TTC7B: variants seen among roughly 807,000 people sequenced by gnomAD.
TTC7B encodes the protein tetratricopeptide repeat protein 7B.
A neutral mutation model predicts 106.8 loss-of-function variants in TTC7B; 28 were observed. That is an observed-to-expected ratio of 0.26 (90% confidence interval 0.19 to 0.36). The LOEUF is 0.36. Among genes scored for constraint, TTC7B ranks in the 10% least tolerant of loss-of-function variants. TTC7B has a pLI of 1.00. For synonymous variants in TTC7B, 405 were observed against 430.6 expected, an observed-to-expected ratio of 0.94 and a Z score of 0.74; for missense variants, 862 against 1,076.4, an observed-to-expected ratio of 0.80 and a Z score of 2.79.
chr14:90,630,840 T>TTG (rs201370812), intron 15 of TTC7B, among the ~76,000 whole-genome samples: 2 of 149,584 alleles, frequency 1.3e-5, no homozygotes, highest in African/African-American at 4.9e-5. Context: ...TGTTTTTTGT[T>TTG]TTTTTTTTTT....
At chr14:90,721,055 T>C (rs907848105) in intron 5 of TTC7B, among the ~76,000 whole-genome samples, 3 of 152,062 alleles carry the variant, frequency 2.0e-5, no homozygotes, top group Admixed American at 6.5e-5. Flanking sequence ...TTCTTGGTGG[T>C]GATTAAAGGA....
At chr14:90,702,895 C>A (rs1418669812) in intron 5 of TTC7B, among the ~76,000 whole-genome samples, 3 of 152,178 alleles carry the variant, frequency 2.0e-5, no homozygotes, top group Non-Finnish European at 4.4e-5. Flanking sequence ...GGGGCACGGA[C>A]AGATGACCGC....
In TTC7B at chr14:90,541,135, T is replaced by C. The variant is rs993664615; in HGVS notation, c.*233A>G. ...ACAAAATATGGCACATGATCCATTT[T>C]GAACAATGTCAATAGGTTCAGAAAC... On this transcript the variant is annotated 3_prime_UTR_variant, in exon 20 of 20. Transcript: ENST00000328459. 3 of 436,990 alleles carry C rather than the reference T, an allele frequency of 6.9e-6. No individual in the cohort carries two copies. The highest frequency in any genetic ancestry group is 2.0e-5 in the African/African-American group (1 of 51,036). The allele number at this position is 436,990 out of a possible 1,614,324, so 27.1% of individuals were successfully genotyped here.
intron 1 of TTC7B, among the ~76,000 whole-genome samples, chr14:90,801,186 C>A (rs2140056274): frequency 7.0e-6 from 1 of 143,742 alleles, no homozygotes; most frequent in South Asian, 2.2e-4. Context: ...GATCACACCA[C>A]TGCACTCCAG....
chr14:90,812,617 G>C (rs1566901155), intron 1 of TTC7B, among the ~76,000 whole-genome samples: 1 of 152,074 alleles, frequency 6.6e-6, no homozygotes, highest in Non-Finnish European at 1.5e-5. Context: ...GCTTCCGGGG[G>C]ACTGTCTCCC....
At chr14:90,579,794 C>T (rs1891411771) in intron 18 of TTC7B, among the ~76,000 whole-genome samples, 1 of 152,038 alleles carries the variant, frequency 6.6e-6, no homozygotes, top group Non-Finnish European at 1.5e-5. Context: ...GTCTGAAAAA[C>T]AAAACAAAAC....
intron 6 of TTC7B, among the ~76,000 whole-genome samples, chr14:90,692,135 C>T (rs1455821792): frequency 2.6e-5 from 4 of 152,180 alleles, no homozygotes; most frequent in South Asian, 4.1e-4. Context: ...ATGTGTATTG[C>T]TTCCAACTTT....
chr14:90,798,732 A>AAAAAAAAAAAAAAC (rs869302614), intron 1 of TTC7B, among the ~76,000 whole-genome samples: 1 of 147,006 alleles, frequency 6.8e-6, no homozygotes, highest in Non-Finnish European at 1.5e-5. Context: ...AAAAAAAAAA[A>AAAAAAAAAAAAAAC]CACGCAATAA....
intron 7 of TTC7B, among the ~76,000 whole-genome samples, chr14:90,687,398 G>C (rs1206906409): frequency 6.6e-6 from 1 of 152,140 alleles, no homozygotes; most frequent in Non-Finnish European, 1.5e-5. Context: ...AATCTGAGTG[G>C]TTCAGGAAAT....
intron 19 of TTC7B, 93 bp from the exon 20 acceptor site, chr14:90,541,682 G>A (rs1214807717): frequency 1.7e-5 from 18 of 1,032,690 alleles, no homozygotes; most frequent in South Asian, 2.2e-5. Flanking sequence ...TCAGTTCCTC[G>A]GAGCCGGGAA....
intron 17 of TTC7B, chr14:90,601,909 G>A (rs112087919): frequency 1.9e-5 from 6 of 312,256 alleles, no homozygotes; most frequent in East Asian, 8.6e-5. Flanking sequence ...GCGAGTTGCC[G>A]GGTGACTCCA....
intron 1 of TTC7B, among the ~76,000 whole-genome samples, chr14:90,798,176 G>A (rs376649643): frequency 1.8e-4 from 28 of 152,294 alleles, no homozygotes; most frequent in African/African-American, 6.5e-4. Flanking sequence ...AAAAGGCCAC[G>A]TGGCGCAGAG....
chr14:90,588,168 C>G (rs1420936949), intron 18 of TTC7B, among the ~76,000 whole-genome samples: 1 of 152,176 alleles, frequency 6.6e-6, no homozygotes, highest in Non-Finnish European at 1.5e-5. Flanking sequence ...ACGGGATTAC[C>G]CCTTGACCCT....
intron 8 of TTC7B, 94 bp from the exon 9 acceptor site, chr14:90,676,754 C>T (rs545688065): frequency 4.5e-5 from 63 of 1,399,008 alleles, no homozygotes; most frequent in Admixed American, 3.1e-4. Flanking sequence ...TACCAATTTG[C>T]GAAGGGAATG....
intron 19 of TTC7B, among the ~76,000 whole-genome samples, chr14:90,561,632 C>T (rs970246239): frequency 2.3e-4 from 35 of 152,196 alleles, no homozygotes; most frequent in African/African-American, 7.5e-4. Flanking sequence ...CCCAGAGAAT[C>T]GACATGACTT....
At chr14:90,674,972 A>T (rs1886768951) in intron 9 of TTC7B, 1 of 152,224 alleles carries the variant, frequency 6.6e-6, no homozygotes, top group East Asian at 1.9e-4. Flanking sequence ...GACAGAAGTC[A>T]TCTGGGTGAA....
chr14:90,794,845 A>C (rs1891720284), intron 1 of TTC7B, among the ~76,000 whole-genome samples: 1 of 152,202 alleles, frequency 6.6e-6, no homozygotes, highest in African/African-American at 2.4e-5. Flanking sequence ...AAACATCAAG[A>C]GTCAGGCCAA....
At chr14:90,648,192 T>C (rs1441249030) in intron 13 of TTC7B, among the ~76,000 whole-genome samples, 2 of 152,216 alleles carry the variant, frequency 1.3e-5, no homozygotes, top group Non-Finnish European at 2.9e-5. Context: ...AGCTAATCTC[T>C]GTCCTTATAT....
intron 17 of TTC7B, among the ~76,000 whole-genome samples, chr14:90,603,665 G>C (rs943545769): frequency 2.6e-5 from 4 of 152,194 alleles, no homozygotes; most frequent in Non-Finnish European, 5.9e-5. Context: ...TGATTCCAGT[G>C]GTTTGTAGGG....
Sources: allele counts gnomAD v4.1 joint callset (sites outside exome capture counted in the v4.1 genomes callset), GRCh38; gene constraint gnomAD v4.1.1; transcripts MANE v1.5; gene names NCBI Gene and HGNC (gene_info 2026-07-23, HGNC 2026-07-21).